Variants in SCUBE3 observed in about 807,000 individuals in gnomAD.
SCUBE3 encodes the protein signal peptide, CUB and EGF-like domain-containing protein 3.
In SCUBE3, 33 loss-of-function variants were observed where a neutral mutation model predicts 116.8. The ratio of observed to expected loss-of-function variants is 0.28; its 90% CI spans 0.21 to 0.38. The LOEUF (loss-of-function observed/expected upper bound fraction) is 0.38. Ranked by LOEUF, SCUBE3 falls within the 10% of genes least tolerant of loss-of-function variation. The probability of loss-of-function intolerance (pLI) is 1.00; values close to 1 mark genes in which losing one functional copy is unlikely to be tolerated. For synonymous variants in SCUBE3, 418 were observed against 496.9 expected (o/e 0.84, Z 2.11); for missense variants, 1,007 against 1,324.8 (o/e 0.76, Z 3.72).
intron 14 of SCUBE3, 114 bp from the exon 15 acceptor site, chr6:35,242,907 C>T (rs1011400977): frequency 1.3e-6 from 2 of 1,494,654 alleles, no homozygotes; most frequent in African/African-American, 1.4e-5. Context: ...TGGTGCCAAG[C>T]CTAAAAGCTA....
intron 1 of SCUBE3, chr6:35,224,735 A>G (rs1487765068): frequency 6.6e-6 from 1 of 152,024 alleles, no homozygotes; most frequent in Non-Finnish European, 1.5e-5. Context: ...AATGGGAGGC[A>G]AAGGAAAGAA....
In SCUBE3 at chr6:35,243,972, C is replaced by T. The variant is rs760363095; in HGVS notation, c.2081C>T (p.Pro694Leu). 1.2e-5 allele frequency: 20 copies of T among 1,613,640 alleles called. No homozygotes were observed. The highest frequency in any genetic ancestry group is 1.6e-5 in the Non-Finnish European group (19 of 1,179,788). ...TNVTTCAGQCPPGQHSVDGFK... is the reference protein window; with the variant it reads ...TNVTTCAGQCLPGQHSVDGFK... ...CCTTGATTCATTGCAGGTCAGTGCC[C>T]ACCTGGCCAACACTCTGTAGATGGG... The change falls in exon 17 of 22, where the codon CCA (proline) becomes CTA (leucine). Residue 694 changes from proline to leucine, a missense_variant. Physicochemically the swap from Pro to Leu is moderately conservative, Grantham distance 98. Around this residue, in one of 5 missense-constraint regions of SCUBE3, gnomAD observed 544 missense variants for 638.9 expected, o/e 0.85. Coordinates refer to ENST00000274938, the MANE Select transcript of SCUBE3 (RefSeq NM_152753.4). The surrounding 1 kb of genome is among the most constrained non-coding windows in gnomAD (Gnocchi z 6.6).
At position 35,239,028 on chromosome 6, in the gene SCUBE3, G is replaced by T. The variant is rs975500127; in HGVS notation, c.830-724G>T. Among the ~76,000 whole-genome samples the T allele has an allele frequency of 6.6e-6, 1 of 152,126 alleles. No individual in the cohort carries two copies. On this transcript the variant is annotated intron_variant, in intron 7 of 21. Transcript: ENST00000274938. The surrounding 1 kb of genome is among the most constrained non-coding windows in gnomAD (Gnocchi z 4.1). Reference sequence around the variant, plus strand: ...CCCTTCCCCCAACCAGGGGTGAGTAGCCTGGGTCCTGTCTGCCACCAGCTT... The same window carrying T: ...CCCTTCCCCCAACCAGGGGTGAGTATCCTGGGTCCTGTCTGCCACCAGCTT...
rs1391427829 is a variant in SCUBE3, at chr6:35,248,645, A to G, written c.2922A>G (p.Pro974=). The change falls in exon 22 of 22, where the codon CCA becomes CCG. Residue 974 remains proline, a synonymous_variant. Transcript: ENST00000274938. Reference sequence around the variant, plus strand: ...CAGAGAAACACAAGGAGATGCTGCCAAAATCCTTCATCAAGCTGCTCCGCT... The same window carrying G: ...CAGAGAAACACAAGGAGATGCTGCCGAAATCCTTCATCAAGCTGCTCCGCT... ...KYTEKHKEML[P]KSFIKLLRSK... is the part of the protein sequence containing the mutation. 1 of 1,613,858 alleles carries G rather than the reference A, an allele frequency of 6.2e-7. No individual in the cohort carries two copies. Among genetic ancestry groups the G allele is most frequent in the Non-Finnish European group, 8.5e-7 (1 of 1,179,916 alleles).
chr6:35,240,511 C>T lies in SCUBE3; in HGVS notation c.1069+21C>T. Reference sequence around the variant, plus strand: ...TGGGGGTAAGCTAGTAAGCTTGCACCCCCAGCCACCCTGGCCCCCTCACCT... The same window carrying T: ...TGGGGGTAAGCTAGTAAGCTTGCACTCCCAGCCACCCTGGCCCCCTCACCT... On this transcript the variant is annotated intron_variant, in intron 9 of 21. Transcript: ENST00000274938. The surrounding 1 kb of genome is among the most constrained non-coding windows in gnomAD (Gnocchi z 4.6). 7.7e-7 allele frequency: 1 copy of T among 1,304,898 alleles called. No individual in the cohort carries two copies. Among genetic ancestry groups the T allele is most frequent in the Non-Finnish European group, 1.1e-6 (1 of 914,752 alleles). The allele number at this position is 1,304,898 out of a possible 1,614,324, so 80.8% of individuals were successfully genotyped here. A position where few individuals can be genotyped will look rare whatever the true frequency, so the allele number is the denominator to read the frequency against.
chr6:35,215,451 CA>C (rs1782848064), intron 1 of SCUBE3, among the ~76,000 whole-genome samples: 1 of 152,164 alleles, frequency 6.6e-6, no homozygotes, highest in African/African-American at 2.4e-5. Flanking sequence ...TCCTCACCGA[CA>C]AGAGATTTAT....
intron 1 of SCUBE3, 72 bp from the exon 2 acceptor site, chr6:35,227,508 G>A: frequency 6.4e-7 from 1 of 1,569,498 alleles, no homozygotes. Context: ...TCTGCCCTTG[G>A]AAGCCCACCT....
chr6:35,241,879 T>C lies in SCUBE3; in HGVS notation c.1386T>C (p.Asn462=). The C allele has an allele frequency of 6.2e-7, 1 of 1,611,134 alleles. No homozygotes were observed. Among genetic ancestry groups the C allele is most frequent in the Non-Finnish European group, 8.5e-7 (1 of 1,179,780 alleles). The change falls in exon 12 of 22, where the codon AAT becomes AAC. Residue 462 remains asparagine, a synonymous_variant. Transcript: ENST00000274938. The surrounding 1 kb of genome is among the most constrained non-coding windows in gnomAD (Gnocchi z 4.1). ...PRAAPARAGH[N]GNSTNSNHCH... is the part of the protein sequence containing the mutation. The stretch of plus-strand genomic sequence containing the variant: ...CTGCTCCAGCCCGAGCTGGCCACAA[T>C]GGGAACAGCACCAACTCCAACCACT...
chr6:35,246,936 G>A (rs891085358), intron 21 of SCUBE3, among the ~76,000 whole-genome samples: 2 of 152,050 alleles, frequency 1.3e-5, no homozygotes, highest in African/African-American at 2.4e-5. Flanking sequence ...CCGAGATGGC[G>A]CCATCGCACT....
At position 35,214,470 on chromosome 6, in the gene SCUBE3, G is replaced by T; in HGVS notation, c.52G>T (p.Ala18Ser). 2 of 1,506,878 alleles carry T rather than the reference G, an allele frequency of 1.3e-6. No homozygotes were observed. Among genetic ancestry groups the T allele is most frequent in the East Asian group, 2.8e-5 (1 of 35,950 alleles). The allele number at this position is 1,506,878 out of a possible 1,614,324, so 93.3% of individuals were successfully genotyped here. A position where few individuals can be genotyped will look rare whatever the true frequency, so the allele number is the denominator to read the frequency against. The change falls in exon 1 of 22, where the codon GCC (alanine) becomes TCC (serine). Residue 18 changes from alanine to serine, a missense_variant. Coordinates refer to ENST00000274938, the MANE Select transcript of SCUBE3 (RefSeq NM_152753.4). This position sits in a 1 kb window ranked among gnomAD's most constrained non-coding sequence, Gnocchi z 6.3. The stretch of plus-strand genomic sequence containing the variant: ...CTGCCTGCTTGTCCTGCTGGTCCAC[G>T]CCCGCGCCGCCCAGTACAGCAAAGC... ...GLCLLVLLVH[A>S]RAAQYSKAAQ...
At position 35,219,027 on chromosome 6, in the gene SCUBE3, C is replaced by T. The variant is rs1029040274; in HGVS notation, c.85+4524C>T. 2.0e-5 allele frequency among the ~76,000 whole-genome samples: 3 copies of T among 152,138 alleles called. No individual in the cohort carries two copies. Among genetic ancestry groups the T allele is most frequent in the African/African-American group, 4.8e-5 (2 of 41,408 alleles). ...CTGAAGGCAGAAGGCGCCGGGCCTCCACAGGTTACTCACCCAAATCTCAGG... is the reference window on the plus strand; with the variant it reads ...CTGAAGGCAGAAGGCGCCGGGCCTCTACAGGTTACTCACCCAAATCTCAGG... On this transcript the variant is annotated intron_variant, in intron 1 of 21. Coordinates refer to ENST00000274938, the MANE Select transcript of SCUBE3 (RefSeq NM_152753.4). The surrounding 1 kb of genome is among the most constrained non-coding windows in gnomAD (Gnocchi z 4.7).
rs1783598914 is a variant in SCUBE3 at position 35,232,639 on chromosome 6, C to T, written c.470-211C>T. 6.6e-6 allele frequency among the ~76,000 whole-genome samples: 1 copy of T among 152,180 alleles called. No individual in the cohort carries two copies. Among genetic ancestry groups the T allele is most frequent in the African/African-American group, 2.4e-5 (1 of 41,438 alleles). On this transcript the variant is annotated intron_variant, in intron 4 of 21. Transcript: ENST00000274938. The surrounding 1 kb of genome is among the most constrained non-coding windows in gnomAD (Gnocchi z 4.2). ...GAGTATCAATAGCTAGCTAGTTATA[C>T]ATCATTCAGAACAGCTCTGTGCTCT...
chr6:35,225,071 G>A, intron 1 of SCUBE3, among the ~76,000 whole-genome samples: 1 of 152,188 alleles, frequency 6.6e-6, no homozygotes, highest in Non-Finnish European at 1.5e-5. Context: ...TGTGGCTAGT[G>A]GCTGTCATAC....
At position 35,241,515 on chromosome 6, in the gene SCUBE3, T is replaced by A. The variant is rs1784048930; in HGVS notation, c.1196-28T>A. 7 of 1,505,132 alleles carry A rather than the reference T, an allele frequency of 4.7e-6. No homozygotes were observed. In the African/African-American group the frequency reaches 5.5e-5, roughly 12 times the overall value. 93.2% of individuals were successfully genotyped at this position (1,505,132 alleles called of 1,614,324 possible). On this transcript the variant is annotated intron_variant, in intron 10 of 21. Coordinates refer to ENST00000274938, the MANE Select transcript of SCUBE3 (RefSeq NM_152753.4). This position sits in a 1 kb window ranked among gnomAD's most constrained non-coding sequence, Gnocchi z 4.1. ...CAACTGAGGGAAAGGAATGCATTCA[T>A]TTGCTCAGGCCTCTCTCCCCTTCCT...
Position 35,245,861 on chromosome 6 carries a change from A to C in SCUBE3, c.2600-83A>C. On this transcript the variant is annotated intron_variant, in intron 19 of 21. Coordinates refer to ENST00000274938, the MANE Select transcript of SCUBE3 (RefSeq NM_152753.4). The surrounding 1 kb of genome is among the most constrained non-coding windows in gnomAD (Gnocchi z 4.2). ...AATGATTCTCTTGCCCTATACCCCC[A>C]CCACCAGCTGTACAGCCCACGTTCT... 1 of 1,437,954 alleles carries C rather than the reference A, an allele frequency of 7.0e-7. No individual in the cohort carries two copies. The highest frequency in any genetic ancestry group is 9.6e-7 in the Non-Finnish European group (1 of 1,041,710). 89.1% of individuals were successfully genotyped at this position (1,437,954 alleles called of 1,614,324 possible).
In SCUBE3 at chr6:35,232,813, G is replaced by A; in HGVS notation, c.470-37G>A. 1 of 1,608,690 alleles carries A rather than the reference G, an allele frequency of 6.2e-7. No individual in the cohort carries two copies. The highest frequency in any genetic ancestry group is 1.7e-5 in the Admixed American group (1 of 59,872). On this transcript the variant is annotated intron_variant, in intron 4 of 21. Coordinates refer to ENST00000274938, the MANE Select transcript of SCUBE3 (RefSeq NM_152753.4). This position sits in a 1 kb window ranked among gnomAD's most constrained non-coding sequence, Gnocchi z 4.2. ...TAGTTTTTCTTTTCTAGACATCCAG[G>A]GGTACAGAGCATTCACACCCCTTTC...
chr6:35,227,443 A>T, intron 1 of SCUBE3, 137 bp from the exon 2 acceptor site: 2 of 850,694 alleles, frequency 2.4e-6, no homozygotes, highest in Non-Finnish European at 3.8e-6. Context: ...GAGAGATGTG[A>T]GACAGCACCT....
Position 35,246,246 on chromosome 6 carries a change from C to G in SCUBE3, c.2793C>G (p.Gly931=). 1 of 1,613,952 alleles carries G rather than the reference C, an allele frequency of 6.2e-7. No homozygotes were observed. The highest frequency in any genetic ancestry group is 8.5e-7 in the Non-Finnish European group (1 of 1,179,854). Residue 931 remains glycine (G), a synonymous_variant, in exon 21 of 22, where the codon GGC becomes GGG. Transcript: ENST00000274938. ...TGGTAGAAGACATTGTGCGAGATGG[C>G]CGGCTCTATGCCTCTGAAAACCACC... ...EQLVEDIVRD[G]RLYASENHQE... is the part of the protein sequence containing the mutation.
intron 7 of SCUBE3, among the ~76,000 whole-genome samples, chr6:35,238,275 C>CTTAG (rs1783865832): frequency 6.6e-6 from 1 of 152,130 alleles, no homozygotes; most frequent in Non-Finnish European, 1.5e-5. Context: ...CCCATGGGTC[C>CTTAG]CTAACCCTCT....
Sources: allele counts gnomAD v4.1 joint callset (sites outside exome capture counted in the v4.1 genomes callset), GRCh38; gene constraint gnomAD v4.1.1; regional missense constraint gnomAD v4.1.1; non-coding constraint Gnocchi (gnomAD v3.1); transcripts MANE v1.5; gene names NCBI Gene and HGNC (gene_info 2026-07-23, HGNC 2026-07-21).